Variants in TIAM1 observed in about 807,000 individuals in gnomAD.
TIAM1 encodes rho guanine nucleotide exchange factor TIAM1.
A neutral mutation model predicts 163.5 loss-of-function variants in TIAM1; 65 were observed. That is an observed-to-expected ratio of 0.40 (90% confidence interval 0.33 to 0.49). TIAM1 has a LOEUF of 0.49. Among genes scored for constraint, TIAM1 ranks in the 20% least tolerant of loss-of-function variants. The pLI, the probability that TIAM1 is intolerant of heterozygous loss-of-function variation, is 0.77. For synonymous variants in TIAM1, 833 were observed against 810.1 expected (o/e 1.03, Z -0.48); for missense variants, 1,789 against 2,044.7 (o/e 0.87, Z 2.41).
At chr21:31,132,952 G>C (rs1166426350) in intron 23 of TIAM1, among the ~76,000 whole-genome samples, 1 of 152,214 alleles carries the variant, frequency 6.6e-6, no homozygotes, top group East Asian at 1.9e-4. Context: ...GAGCCATCCT[G>C]TGAAACATCA....
intron 2 of TIAM1, among the ~76,000 whole-genome samples, chr21:31,423,581 T>C (rs2043662400): frequency 6.6e-6 from 1 of 152,092 alleles, no homozygotes; most frequent in East Asian, 1.9e-4. Context: ...GTGAGCTCTC[T>C]GCAGCCAGGG....
chr21:31,471,284 G>C (rs529073043), intron 1 of TIAM1, among the ~76,000 whole-genome samples: 2 of 152,296 alleles, frequency 1.3e-5, no homozygotes, highest in Admixed American at 1.3e-4. Flanking sequence ...CGCCCCTCAG[G>C]AGCTGTGTGG....
At chr21:31,502,819 C>T (rs2046890898) in intron 1 of TIAM1, among the ~76,000 whole-genome samples, 1 of 152,198 alleles carries the variant, frequency 6.6e-6, no homozygotes, top group Admixed American at 6.5e-5. Flanking sequence ...CCAGCCATTT[C>T]TCTGCTTAGG....
intron 1 of TIAM1, among the ~76,000 whole-genome samples, chr21:31,501,494 G>A (rs1030396718): frequency 3.9e-5 from 6 of 152,138 alleles, no homozygotes; most frequent in African/African-American, 1.4e-4. Context: ...ACCCAAGCTC[G>A]ACGGCTTTCT....
intron 27 of TIAM1, among the ~76,000 whole-genome samples, chr21:31,123,440 C>T (rs2833280): frequency 0.15 from 23,403 of 152,212 alleles, 2,975 homozygotes; most frequent in African/African-American, 0.35. Flanking sequence ...TCAGAAAACT[C>T]AGCAAAGTGC....
intron 2 of TIAM1, among the ~76,000 whole-genome samples, chr21:31,400,881 G>A (rs147812953): frequency 0.015 from 2,318 of 151,542 alleles, 51 homozygotes; most frequent in African/African-American, 0.052. Context: ...ACCTGAGGTC[G>A]GCAGTTCGAG....
chr21:31,334,319 C>G (rs1383902298), intron 2 of TIAM1, among the ~76,000 whole-genome samples: 1 of 149,058 alleles, frequency 6.7e-6, no homozygotes, highest in Admixed American at 6.7e-5. Context: ...GGATCTCACT[C>G]TGTTGCCCAG....
At chr21:31,205,097 C>T (rs1001558554) in intron 11 of TIAM1, among the ~76,000 whole-genome samples, 1 of 152,184 alleles carries the variant, frequency 6.6e-6, no homozygotes, top group South Asian at 2.1e-4. Flanking sequence ...AAGTGTGCTA[C>T]TTACTGCTGG....
At chr21:31,279,073 A>G (rs1251786182) in intron 2 of TIAM1, among the ~76,000 whole-genome samples, 1 of 152,206 alleles carries the variant, frequency 6.6e-6, no homozygotes, top group Non-Finnish European at 1.5e-5. Context: ...GTATTCAGAT[A>G]GAATAAAATT....
intron 1 of TIAM1, among the ~76,000 whole-genome samples, chr21:31,525,477 A>C (rs1386968625): frequency 6.6e-6 from 1 of 151,712 alleles, no homozygotes; most frequent in Non-Finnish European, 1.5e-5. Flanking sequence ...AGACCCAAAC[A>C]CCTCTCACTA....
intron 2 of TIAM1, among the ~76,000 whole-genome samples, chr21:31,455,400 A>G (rs1335286750): frequency 1.3e-5 from 2 of 148,854 alleles, no homozygotes; most frequent in African/African-American, 5.0e-5. Context: ...ATGAGTATCA[A>G]AATAATTTAA....
chr21:31,494,189 CAGGTGTA>C (rs2046567231), intron 1 of TIAM1, among the ~76,000 whole-genome samples: 2 of 152,058 alleles, frequency 1.3e-5, no homozygotes, highest in Non-Finnish European at 2.9e-5. Context: ...GCTGGGATTA[CAGGTGTA>C]AGTCACTGTG....
At chr21:31,154,547 T>C in intron 16 of TIAM1, 121 bp from the exon 17 acceptor site, 2 of 1,023,294 alleles carry the variant, frequency 2.0e-6, no homozygotes, top group Non-Finnish European at 2.8e-6. Context: ...GAATGTCGTC[T>C]TGTGTTTCCA....
At chr21:31,288,814 T>A (rs1445169932) in intron 2 of TIAM1, among the ~76,000 whole-genome samples, 2 of 152,154 alleles carry the variant, frequency 1.3e-5, no homozygotes, top group Non-Finnish European at 2.9e-5. Flanking sequence ...AATCAATACC[T>A]GTAATAATAA....
intron 1 of TIAM1, among the ~76,000 whole-genome samples, chr21:31,521,958 G>A (rs1190991029): frequency 2.0e-5 from 3 of 151,916 alleles, no homozygotes; most frequent in African/African-American, 7.2e-5. Flanking sequence ...TGCAAGCTCC[G>A]CCTCCCGGGT....
chr21:31,455,289 A>AAG (rs1353219591), intron 2 of TIAM1, among the ~76,000 whole-genome samples: 24 of 151,892 alleles, frequency 1.6e-4, no homozygotes, highest in African/African-American at 5.5e-4. Context: ...CAAAAAAAAA[A>AAG]AAAAAAAAAA....
intron 2 of TIAM1, among the ~76,000 whole-genome samples, chr21:31,285,131 T>A (rs2073744800): frequency 6.6e-6 from 1 of 152,118 alleles, no homozygotes; most frequent in Non-Finnish European, 1.5e-5. Context: ...TCCCCTTCCT[T>A]CATCAGGAAG....
At chr21:31,508,331 G>A (rs754395123) in intron 1 of TIAM1, among the ~76,000 whole-genome samples, 49 of 152,050 alleles carry the variant, frequency 3.2e-4, no homozygotes, top group Non-Finnish European at 5.7e-4. Context: ...ACCTTTCCTT[G>A]GAGTGGGGAG....
intron 5 of TIAM1, among the ~76,000 whole-genome samples, chr21:31,247,569 A>AT (rs747366926): frequency 1.3e-5 from 2 of 151,588 alleles, no homozygotes; most frequent in Admixed American, 6.6e-5. Context: ...TAATTTGTGT[A>AT]TTTTTTTGTA....
Sources: gnomAD v4.1 joint callset for allele counts (sites outside exome capture counted in the v4.1 genomes callset) on GRCh38, gnomAD v4.1.1 for gene constraint, MANE v1.5 for transcripts, NCBI Gene and HGNC (gene_info 2026-07-23, HGNC 2026-07-21) for gene names.